NFATC1: variants seen among roughly 807,000 people sequenced by gnomAD.
The protein encoded by NFATC1 is nuclear factor of activated T cells 1.
In NFATC1, 22 loss-of-function variants were observed where a neutral mutation model predicts 76.0. The observed-to-expected ratio is 0.29, with a 90% CI of 0.21 to 0.41. The LOEUF is 0.41. NFATC1 is among the 10% of genes least tolerant of loss of function. The pLI is 1.00. For synonymous variants in NFATC1, 704 were observed against 613.1 expected (o/e 1.15, Z -2.19); for missense variants, 1,357 against 1,337.7 (o/e 1.01, Z -0.23).
intron 2 of NFATC1, among the ~76,000 whole-genome samples, chr18:79,419,045 G>T (rs1271217633): frequency 6.6e-6 from 1 of 152,024 alleles, no homozygotes; most frequent in East Asian, 1.9e-4. Context: ...TTTTTTTTGA[G>T]CCAGGGTCTT....
intron 9 of NFATC1, among the ~76,000 whole-genome samples, chr18:79,513,884 T>G (rs2090319325): frequency 6.6e-6 from 1 of 152,182 alleles, no homozygotes; most frequent in Non-Finnish European, 1.5e-5. Context: ...CGGGCCACTG[T>G]GGAGCCCATG....
At chr18:79,510,137 C>A (rs2090208967) in intron 9 of NFATC1, among the ~76,000 whole-genome samples, 1 of 152,162 alleles carries the variant, frequency 6.6e-6, no homozygotes, top group African/African-American at 2.4e-5. Flanking sequence ...TAGCCCCCCC[C>A]AAGGAGGAAA....
rs368504605 is a variant in NFATC1 at position 79,410,451 on chromosome 18, C to T, written c.176C>T (p.Pro59Leu). ...SSNVSPALPLPTAHSTLPAPC... is the reference protein window; with the variant it reads ...SSNVSPALPLLTAHSTLPAPC... ...AACGTCAGCCCCGCCCTGCCGCTCC[C>T]CACGGCGCACTCCACCCTGCCGGCC... Residue 59 changes from proline (P) to leucine (L), a missense_variant, in exon 2 of 10, where the codon CCC becomes CTC. Transcript: ENST00000427363. The surrounding 1 kb of genome is among the most constrained non-coding windows in gnomAD (Gnocchi z 6.7). The T allele has an allele frequency of 3.1e-6, 5 of 1,612,194 alleles. No homozygotes were observed. The Admixed American group carries it at 5.0e-5, about 16-fold the overall frequency.
In NFATC1 at chr18:79,395,951, G is replaced by A. The variant is rs1168524601; in HGVS notation, c.-274G>A. 1 of 188,228 alleles carries A rather than the reference G, an allele frequency of 5.3e-6. No homozygotes were observed. Among genetic ancestry groups the A allele is most frequent in the Non-Finnish European group, 1.1e-5 (1 of 92,746 alleles). The allele number at this position is 188,228 out of a possible 1,614,324, so 11.7% of individuals were successfully genotyped here. The stretch of plus-strand genomic sequence containing the variant: ...CCCTGCGTCAGAGCGAGACTCAGAG[G>A]CTCCGAACTCGCCGGCGGAGTCGCC... On this transcript the variant is annotated 5_prime_UTR_variant, in exon 1 of 10. Transcript: ENST00000427363.
intron 7 of NFATC1, among the ~76,000 whole-genome samples, chr18:79,464,106 T>C (rs2088300016): frequency 6.6e-6 from 1 of 152,260 alleles, no homozygotes; most frequent in African/African-American, 2.4e-5. Flanking sequence ...TTTTTTGTTT[T>C]TTTGAGACAG....
intron 6 of NFATC1, among the ~76,000 whole-genome samples, chr18:79,457,001 A>G (rs989207908): frequency 4.6e-5 from 7 of 152,218 alleles, no homozygotes; most frequent in Admixed American, 1.3e-4. Flanking sequence ...CCATCCCAAC[A>G]GTTTAAAGGC....
At chr18:79,443,627 C>T (rs536340063) in intron 3 of NFATC1, among the ~76,000 whole-genome samples, 2 of 152,376 alleles carry the variant, frequency 1.3e-5, no homozygotes, top group South Asian at 2.1e-4. Context: ...GCAGCAAGCC[C>T]GTGGGGTCCC....
rs1377695220 is a variant in NFATC1 at position 79,396,142 on chromosome 18, C to T, written c.-83C>T. ...GAGCCCGGGGCGAGGGCTGTCTTCC[C>T]GGAGACCCGACCCCGGCAGCGCGGG... On this transcript the variant is annotated 5_prime_UTR_variant, in exon 1 of 10. Coordinates refer to ENST00000427363, the MANE Select transcript of NFATC1 (RefSeq NM_001278669.2). 2 of 1,315,936 alleles carry T rather than the reference C, an allele frequency of 1.5e-6. No homozygotes were observed. Among genetic ancestry groups the T allele is most frequent in the Non-Finnish European group, 2.0e-6 (2 of 1,019,630 alleles). 81.5% of individuals were successfully genotyped at this position (1,315,936 alleles called of 1,614,324 possible).
In NFATC1 at chr18:79,418,427, C is replaced by A. The variant is rs113907399; in HGVS notation, c.1226+6926C>A. 4.6e-3 allele frequency among the ~76,000 whole-genome samples: 708 copies of A among 152,362 alleles called. 2 individuals carry two copies. Among genetic ancestry groups the A allele is most frequent in the African/African-American group, 0.016 (660 of 41,588 alleles). On this transcript the variant is annotated intron_variant, in intron 2 of 9. Transcript: ENST00000427363. ...GCTGGGACCCCGACTCCCAGGAGAC[C>A]TGGCGAGCTCAGCCCTCTTGTCACA...
intron 9 of NFATC1, among the ~76,000 whole-genome samples, chr18:79,513,175 G>A (rs1452054063): frequency 6.6e-6 from 1 of 152,218 alleles, no homozygotes; most frequent in African/African-American, 2.4e-5. Context: ...AACTCCCGTC[G>A]GCGTAGAGCA....
At chr18:79,397,893 G>C (rs1361004327) in intron 1 of NFATC1, among the ~76,000 whole-genome samples, 5 of 152,192 alleles carry the variant, frequency 3.3e-5, no homozygotes, top group Admixed American at 6.5e-5. Flanking sequence ...CAGTGCGCCG[G>C]GCAGCGACGC....
At chr18:79,460,707 G>A (rs1026879146) in intron 6 of NFATC1, among the ~76,000 whole-genome samples, 1 of 152,186 alleles carries the variant, frequency 6.6e-6, no homozygotes, top group East Asian at 1.9e-4. Context: ...CACAGGCAGG[G>A]CCAGCGGCCA....
At chr18:79,405,522 A>G (rs930131652) in intron 1 of NFATC1, among the ~76,000 whole-genome samples, 3 of 152,210 alleles carry the variant, frequency 2.0e-5, no homozygotes, top group African/African-American at 7.2e-5. Flanking sequence ...AACCAAATTC[A>G]TTGGGAGCTG....
chr18:79,468,151 G>A lies in NFATC1; in HGVS notation c.2092+569G>A, dbSNP rs74660043. 690 of 186,718 alleles carry A rather than the reference G, an allele frequency of 3.7e-3. 13 individuals are homozygous for A. In the East Asian group the frequency reaches 0.049, roughly 13 times the overall value. 11.6% of individuals were successfully genotyped at this position (186,718 alleles called of 1,614,324 possible). A position where few individuals can be genotyped will look rare whatever the true frequency, so the allele number is the denominator to read the frequency against. On this transcript the variant is annotated intron_variant, in intron 8 of 9. Coordinates refer to ENST00000427363, the MANE Select transcript of NFATC1 (RefSeq NM_001278669.2). ...TCAACCTGCCTGCCCCTCACCCGCC[G>A]TGGGAATGGCTCCTTTTCACTCATA...
At chr18:79,439,379 G>T (rs1600715871) in intron 3 of NFATC1, among the ~76,000 whole-genome samples, 1 of 152,264 alleles carries the variant, frequency 6.6e-6, no homozygotes, top group East Asian at 1.9e-4. Flanking sequence ...CCCACGCACG[G>T]GGAGGACGCC....
intron 9 of NFATC1, among the ~76,000 whole-genome samples, chr18:79,514,766 C>T (rs931465186): frequency 2.6e-5 from 4 of 151,936 alleles, no homozygotes; most frequent in African/African-American, 7.3e-5. Flanking sequence ...AGGTTTGGGG[C>T]TGGGTACAGT....
chr18:79,510,654 A>G (rs775612865), intron 9 of NFATC1, among the ~76,000 whole-genome samples: 6 of 152,270 alleles, frequency 3.9e-5, no homozygotes, highest in Non-Finnish European at 8.8e-5. Context: ...ATGCATTCCC[A>G]GTTGCCAGGC....
At chr18:79,400,576 C>T in intron 1 of NFATC1, 1 of 1,122,114 alleles carries the variant, frequency 8.9e-7, no homozygotes, top group Non-Finnish European at 1.1e-6. Context: ...CCGGGGACCC[C>T]AGGAGTCCCC....
At chr18:79,513,074 T>A (rs943146260) in intron 9 of NFATC1, among the ~76,000 whole-genome samples, 1 of 152,220 alleles carries the variant, frequency 6.6e-6, no homozygotes, top group African/African-American at 2.4e-5. Context: ...AAAAACGGTA[T>A]CACTTTCGAA....
Sources: allele counts gnomAD v4.1 joint callset (sites outside exome capture counted in the v4.1 genomes callset), GRCh38; gene constraint gnomAD v4.1.1; non-coding constraint Gnocchi (gnomAD v3.1); transcripts MANE v1.5; gene names NCBI Gene and HGNC (gene_info 2026-07-23, HGNC 2026-07-21).